KDM5B: variants seen among roughly 807,000 people sequenced by gnomAD.
The protein encoded by KDM5B is lysine demethylase 5B.
KDM5B carries 144 observed loss-of-function variants against 193.4 expected under a neutral mutation model. The observed-to-expected ratio is 0.74, with a 90% CI of 0.65 to 0.86. The LOEUF is 0.86. Ranked by LOEUF, KDM5B falls within the 40% of genes least tolerant of loss-of-function variation. KDM5B has a pLI of 0.00. For synonymous variants in KDM5B, 668 were observed against 682.6 expected (o/e 0.98, Z 0.33); for missense variants, 1,833 against 1,886.9 (o/e 0.97, Z 0.53).
chr1:202,743,916 T>C (rs757518798), intron 16 of KDM5B, among the ~76,000 whole-genome samples: 3 of 152,166 alleles, frequency 2.0e-5, no homozygotes, highest in Non-Finnish European at 4.4e-5. Context: ...GCAATACCTG[T>C]CAGGACATAG....
intron 9 of KDM5B, among the ~76,000 whole-genome samples, chr1:202,757,676 C>T (rs1406212638): frequency 6.6e-6 from 1 of 152,086 alleles, no homozygotes; most frequent in Non-Finnish European, 1.5e-5. Context: ...GTTAGAGGTG[C>T]TGGGGAAAAA....
At chr1:202,729,200 G>A (rs1654782764) in intron 26 of KDM5B, 27 bp from the exon 27 acceptor site, 1 of 1,613,360 alleles carries the variant, frequency 6.2e-7, no homozygotes, top group Non-Finnish European at 8.5e-7. Context: ...GGAAGATGGG[G>A]TTTTCAGAGG....
chr1:202,766,965 C>A lies in KDM5B; in HGVS notation c.672G>T (p.Thr224=). 1 of 1,584,190 alleles carries A rather than the reference C, an allele frequency of 6.3e-7. No homozygotes were observed. Among genetic ancestry groups the A allele is most frequent in the Non-Finnish European group, 8.5e-7 (1 of 1,172,900 alleles). Residue 224 remains threonine (T), a synonymous_variant, in exon 5 of 27, where the codon ACG becomes ACT. Coordinates refer to ENST00000367265, the MANE Select transcript of KDM5B (RefSeq NM_006618.5). ...GTTTTGCTCGTCGGGCTGGGGGGCACGTTTCCGAAGGCTGCACAGACTGCC... is the reference window on the plus strand; with the variant it reads ...GTTTTGCTCGTCGGGCTGGGGGGCAAGTTTCCGAAGGCTGCACAGACTGCC... ...PQRQSVQPSE[T]CPPARRAKRM...
At chr1:202,742,367 TC>T (rs780965631) in intron 18 of KDM5B, 23 bp downstream of exon 18, 20 of 1,495,718 alleles carry the variant, frequency 1.3e-5, no homozygotes, top group Non-Finnish European at 1.8e-5. Context: ...CAAAGTATTC[TC>T]CCACACATCC....
chr1:202,732,099 G>A, intron 23 of KDM5B, 160 bp from the exon 24 acceptor site: 1 of 574,948 alleles, frequency 1.7e-6, no homozygotes, highest in Non-Finnish European at 3.0e-6. Context: ...TGGCATTTCA[G>A]AACTGGCCAA....
chr1:202,753,955 T>C (rs997120935), intron 11 of KDM5B, among the ~76,000 whole-genome samples: 4 of 152,166 alleles, frequency 2.6e-5, no homozygotes, highest in South Asian at 2.1e-4. Context: ...TGAGCCACCA[T>C]GCCCAGCCAA....
intron 1 of KDM5B, among the ~76,000 whole-genome samples, chr1:202,802,454 G>C (rs1393764070): frequency 1.3e-5 from 2 of 152,098 alleles, no homozygotes; most frequent in African/African-American, 4.8e-5. Context: ...GTGCAATGGA[G>C]TGATCTCGGC....
rs774245497 is a variant in KDM5B at position 202,742,494 on chromosome 1, C to G, written c.2486G>C (p.Gly829Ala). The G allele has an allele frequency of 1.4e-5, 22 of 1,613,798 alleles. No homozygotes were observed. The highest frequency in any genetic ancestry group is 1.6e-4 in the Middle Eastern group (1 of 6,062). Reference protein sequence around the residue: ...NGKRQTRYRSGGGKSQNQLTV... With the variant: ...NGKRQTRYRSAGGKSQNQLTV... The stretch of plus-strand genomic sequence containing the variant: ...CAACTGATTTTGGGATTTCCCTCCA[C>G]CAGATCGATATCTGTAAAGACAAAG... Residue 829 changes from glycine (G) to alanine (A), a missense_variant, in exon 18 of 27, where the codon GGT (glycine) becomes GCT (alanine). Gly to Ala is a moderately conservative substitution (Grantham distance 60). Around this residue, in one of 3 missense-constraint regions of KDM5B, gnomAD observed 1,379 missense variants for 1,349.6 expected, o/e 1.02. Coordinates refer to ENST00000367265, the MANE Select transcript of KDM5B (RefSeq NM_006618.5).
intron 20 of KDM5B, among the ~76,000 whole-genome samples, chr1:202,740,331 C>T (rs1365044754): frequency 2.2e-5 from 3 of 136,370 alleles, no homozygotes; most frequent in Non-Finnish European, 5.0e-5. Context: ...CCTCACCTCC[C>T]GGACGGGGTG....
intron 7 of KDM5B, among the ~76,000 whole-genome samples, chr1:202,761,638 C>T (rs991647664): frequency 2.6e-5 from 4 of 152,208 alleles, no homozygotes; most frequent in Admixed American, 2.6e-4. Context: ...TCCAATATGA[C>T]TGCTGTCCTT....
chr1:202,799,728 C>T (rs1657999543), intron 1 of KDM5B, among the ~76,000 whole-genome samples: 1 of 152,020 alleles, frequency 6.6e-6, no homozygotes, highest in Admixed American at 6.6e-5. Context: ...ACACAGTCCC[C>T]TTGATAAACC....
chr1:202,747,176 C>T lies in KDM5B; in HGVS notation c.2017-853G>A, dbSNP rs1440066280. Among the ~76,000 whole-genome samples, 4 of 151,976 alleles carry T rather than the reference C, an allele frequency of 2.6e-5. 1 individual carries two copies. The highest frequency in any genetic ancestry group is 1.3e-4 in the Admixed American group (2 of 15,266). ...ATTTCATATCTGCCAATTATATGGG[C>T]CAACAAAGATGAGGAAGGTAAGGAA... On this transcript the variant is annotated intron_variant, in intron 14 of 26. Transcript: ENST00000367265.
At chr1:202,731,796 T>C (rs374376269) in intron 24 of KDM5B, 32 bp downstream of exon 24, 5 of 1,415,860 alleles carry the variant, frequency 3.5e-6, no homozygotes, top group Non-Finnish European at 5.0e-6. Flanking sequence ...CTCATTACTA[T>C]CCAGCCCTCA....
intron 10 of KDM5B, among the ~76,000 whole-genome samples, chr1:202,755,999 C>T (rs760547516): frequency 1.1e-4 from 17 of 150,820 alleles, no homozygotes; most frequent in Non-Finnish European, 1.8e-4. Flanking sequence ...AAAAATCACA[C>T]TTTCCTACCA....
In KDM5B at chr1:202,766,052, A is replaced by T. The variant is rs141533591; in HGVS notation, c.711+874T>A. Among the ~76,000 whole-genome samples, 640 of 152,146 alleles carry T rather than the reference A, an allele frequency of 4.2e-3. 5 individuals carry two copies. The highest frequency in any genetic ancestry group is 4.2e-3 in the Non-Finnish European group (288 of 68,002). On this transcript the variant is annotated intron_variant, in intron 5 of 26. Coordinates refer to ENST00000367265, the MANE Select transcript of KDM5B (RefSeq NM_006618.5). ...CAGTGAGACCTTGTCTTTATTAAAA[A>T]TTTTTTTTTAATTAGCTAGGCATGC...
chr1:202,788,379 T>C (rs187919637), intron 1 of KDM5B, among the ~76,000 whole-genome samples: 1 of 152,374 alleles, frequency 6.6e-6, no homozygotes, highest in African/African-American at 2.4e-5. Context: ...TCAAAGATTA[T>C]TTTAGCTTCT....
In KDM5B at chr1:202,755,428, A is replaced by C; in HGVS notation, c.1381T>G (p.Leu461Val). 6.2e-7 allele frequency: 1 copy of C among 1,613,710 alleles called. No homozygotes were observed. The highest frequency in any genetic ancestry group is 8.5e-7 in the Non-Finnish European group (1 of 1,179,680). The change falls in exon 11 of 27, where the codon TTG becomes GTG. Residue 461 changes from leucine to valine, a missense_variant. Coordinates refer to ENST00000367265, the MANE Select transcript of KDM5B (RefSeq NM_006618.5). ...EEEYLDSGWNLNNMPVMEQSV... is the reference protein window; with the variant it reads ...EEEYLDSGWNVNNMPVMEQSV... ...TGCTCCATCACTGGCATGTTGTTCA[A>C]ATTCCAGCCACTATCAAGATACTCC... is the stretch of plus-strand genomic sequence containing the variant.
chr1:202,780,878 G>A (rs943844751), intron 1 of KDM5B, among the ~76,000 whole-genome samples: 2 of 151,042 alleles, frequency 1.3e-5, no homozygotes, highest in Non-Finnish European at 2.9e-5. Flanking sequence ...CCACAATTAC[G>A]TTTGCGCCAA....
intron 24 of KDM5B, 149 bp downstream of exon 24, chr1:202,731,679 C>A (rs937372098): frequency 1.7e-5 from 11 of 628,594 alleles, no homozygotes; most frequent in Non-Finnish European, 2.8e-5. Context: ...AAATAGGATC[C>A]CTTCCCTATT....
Sources: allele counts gnomAD v4.1 joint callset (sites outside exome capture counted in the v4.1 genomes callset), GRCh38; gene constraint gnomAD v4.1.1; regional missense constraint gnomAD v4.1.1; transcripts MANE v1.5; gene names NCBI Gene and HGNC (gene_info 2026-07-23, HGNC 2026-07-21).